The following SRMS variants were observed in gnomAD, a reference collection of about 807,000 sequenced individuals.
SRMS encodes the protein tyrosine-protein kinase Srms.
A neutral mutation model predicts 43.5 loss-of-function variants in SRMS; 42 were observed. The ratio of observed to expected loss-of-function variants is 0.97; its 90% CI spans 0.75 to 1.25. The LOEUF (loss-of-function observed/expected upper bound fraction) is 1.25, where lower values mean the gene tolerates loss of function less well. Ranked by LOEUF, SRMS falls within the 50% of genes most tolerant of loss-of-function variation. SRMS has a pLI of 0.00. For missense variants in SRMS, 703 were observed against 681.0 expected (o/e 1.03, Z -0.36); for synonymous variants, 316 against 308.2 (o/e 1.03, Z -0.27).
Position 63,544,277 on chromosome 20 carries a change from G to A in SRMS, c.428C>T (p.Ala143Val), listed in dbSNP as rs1386298834. ...LLLSPPNEPGAFLIRPSESSL... is the reference protein window; with the variant it reads ...LLLSPPNEPGVFLIRPSESSL... The stretch of plus-strand genomic sequence containing the variant: ...GCTCTCGCTGGGCCGGATGAGGAAG[G>A]CCCCTGGTTCGTTGGGTGGGGAGAG... Residue 143 changes from alanine to valine, a missense_variant, in exon 2 of 8, where the codon GCC (alanine) becomes GTC (valine). Transcript: ENST00000217188. 6.8e-7 allele frequency: 1 copy of A among 1,481,256 alleles called. No individual in the cohort carries two copies. The highest frequency in any genetic ancestry group is 9.0e-7 in the Non-Finnish European group (1 of 1,116,896). 91.8% of individuals were successfully genotyped at this position (1,481,256 alleles called of 1,614,324 possible). A position where few individuals can be genotyped will look rare whatever the true frequency, so the allele number is the denominator to read the frequency against.
At position 63,541,450 on chromosome 20, in the gene SRMS, G is replaced by A. The variant is rs150644078; in HGVS notation, c.1117C>T (p.Arg373Trp). ...ACKVADFGLA[R>W]LLKDDIYSPS... ...GAGCCTCCGCTGACCTTGAGCAGCCGGGCCAGGCCGAAGTCAGCCACCTTG... is the reference window on the plus strand; with the variant it reads ...GAGCCTCCGCTGACCTTGAGCAGCCAGGCCAGGCCGAAGTCAGCCACCTTG... Residue 373 changes from arginine (R) to tryptophan (W), a missense_variant, in exon 6 of 8, where the codon CGG (arginine) becomes TGG (tryptophan). By Grantham distance (101) the Arg-to-Trp change is moderately radical. Coordinates refer to ENST00000217188, the MANE Select transcript of SRMS (RefSeq NM_080823.4). 108 of 1,603,758 alleles carry A rather than the reference G, an allele frequency of 6.7e-5. No homozygotes were observed. Among genetic ancestry groups the A allele is most frequent in the South Asian group, 2.5e-4 (23 of 90,628 alleles).
chr20:63,547,033 T>G lies in SRMS; in HGVS notation c.356+75A>C. On this transcript the variant is annotated intron_variant, in intron 1 of 7. Coordinates refer to ENST00000217188, the MANE Select transcript of SRMS (RefSeq NM_080823.4). ...TAGCCACGGACATGCGATTTCCAAC[T>G]CAAAATCCTGCCGTTGTTCTGGACT... The G allele has an allele frequency of 5.2e-6, 7 of 1,336,056 alleles. No homozygotes were observed. In the South Asian group the frequency reaches 1.1e-4, roughly 20 times the overall value. The allele number at this position is 1,336,056 out of a possible 1,614,324, so 82.8% of individuals were successfully genotyped here. A position where few individuals can be genotyped will look rare whatever the true frequency, so the allele number is the denominator to read the frequency against.
Position 63,547,211 on chromosome 20 carries a change from C to T in SRMS, c.253G>A (p.Gly85Ser), listed in dbSNP as rs1159625552. ...AGCCTGCGTGCGAAGATGTAGCCGC[C>T]CCCCTCTTCGAGGGCACAGAGCCTG... is the stretch of plus-strand genomic sequence containing the variant. Reference protein sequence around the residue: ...GDRLCALEEGGGYIFARRLSG... With the variant: ...GDRLCALEEGSGYIFARRLSG... Residue 85 changes from glycine to serine, a missense_variant, in exon 1 of 8, where the codon GGC becomes AGC. Gly to Ser is a moderately conservative substitution (Grantham distance 56). Coordinates refer to ENST00000217188, the MANE Select transcript of SRMS (RefSeq NM_080823.4). The T allele has an allele frequency of 9.3e-6, 15 of 1,612,250 alleles. No homozygotes were observed. The highest frequency in any genetic ancestry group is 1.7e-5 in the Admixed American group (1 of 59,938).
At position 63,544,207 on chromosome 20, in the gene SRMS, G is replaced by C. The variant is rs1477586558; in HGVS notation, c.478+20C>G. On this transcript the variant is annotated intron_variant, in intron 2 of 7. Coordinates refer to ENST00000217188, the MANE Select transcript of SRMS (RefSeq NM_080823.4). ...ACTGACCTGGTGGGGGACAGAGGCAGGAGGGGCCGCCCCAGGTACCTGACA... is the reference window on the plus strand; with the variant it reads ...ACTGACCTGGTGGGGGACAGAGGCACGAGGGGCCGCCCCAGGTACCTGACA... 2 of 1,433,746 alleles carry C rather than the reference G, an allele frequency of 1.4e-6. No individual in the cohort carries two copies. The highest frequency in any genetic ancestry group is 1.8e-6 in the Non-Finnish European group (2 of 1,092,520). The allele number at this position is 1,433,746 out of a possible 1,614,324, so 88.8% of individuals were successfully genotyped here.
At chr20:63,541,812 C>G (rs147145618) in intron 5 of SRMS, among the ~76,000 whole-genome samples, 192 bp from the exon 6 acceptor site, 1 of 152,062 alleles carries the variant, frequency 6.6e-6, no homozygotes, top group Non-Finnish European at 1.5e-5. Flanking sequence ...CACAGTGACC[C>G]GGCAGCCGGC....
At position 63,547,347 on chromosome 20, in the gene SRMS, G is replaced by C. The variant is rs1354435125; in HGVS notation, c.117C>G (p.Asp39Glu). ...GCTCGGCGGGGAGCGTGGGCACTGG[G>C]TCAGTGTTGGGGTCCAGGGACCCGG... ...GTPGSLDPNT[D>E]PVPTLPAEPC... The change falls in exon 1 of 8, where the codon GAC (aspartate) becomes GAG (glutamate). Residue 39 changes from aspartate (D) to glutamate (E), a missense_variant. Coordinates refer to ENST00000217188, the MANE Select transcript of SRMS (RefSeq NM_080823.4). The C allele has an allele frequency of 4.1e-5, 65 of 1,588,650 alleles. No homozygotes were observed. The highest frequency in any genetic ancestry group is 5.5e-5 in the Non-Finnish European group (64 of 1,166,510).
Sources: gnomAD v4.1 joint callset for allele counts (sites outside exome capture counted in the v4.1 genomes callset) on GRCh38, gnomAD v4.1.1 for gene constraint, MANE v1.5 for transcripts, NCBI Gene and HGNC (gene_info 2026-07-23, HGNC 2026-07-21) for gene names.